CNTN5: variants seen among roughly 807,000 people sequenced by gnomAD.
CNTN5 encodes contactin-5.
CNTN5 carries 77 observed loss-of-function variants against 129.1 expected under a neutral mutation model. The ratio of observed to expected loss-of-function variants is 0.60; its 90% CI spans 0.50 to 0.72. The LOEUF (loss-of-function observed/expected upper bound fraction) is 0.72. Ranked by LOEUF, CNTN5 falls within the 30% of genes least tolerant of loss-of-function variation. The pLI is 0.00. For synonymous variants in CNTN5, 509 were observed against 465.6 expected (o/e 1.09, Z -1.20); for missense variants, 1,478 against 1,328.8 (o/e 1.11, Z -1.75).
At chr11:99,313,110 G>GT (rs11335927) in intron 1 of CNTN5, among the ~76,000 whole-genome samples, 1,537 of 142,606 alleles carry the variant, frequency 0.011, 4 homozygotes, top group Non-Finnish European at 0.013. Context: ...AAGATTTGAA[G>GT]TTTTTTTTTT....
chr11:99,211,551 T>A (rs1166904825), intron 1 of CNTN5, among the ~76,000 whole-genome samples: 3 of 152,044 alleles, frequency 2.0e-5, no homozygotes, highest in African/African-American at 7.2e-5. Context: ...CTCCTTTTTT[T>A]TTCTGAAATA....
chr11:99,900,368 G>GA (rs1033877888), intron 6 of CNTN5, among the ~76,000 whole-genome samples: 112 of 150,602 alleles, frequency 7.4e-4, no homozygotes, highest in African/African-American at 2.4e-3. Context: ...TGCATCTCTG[G>GA]AAAAAAAACA....
intron 3 of CNTN5, among the ~76,000 whole-genome samples, chr11:99,619,517 A>G (rs1950864772): frequency 1.3e-5 from 2 of 152,108 alleles, no homozygotes; most frequent in East Asian, 1.9e-4. Flanking sequence ...GAAATTTGTT[A>G]CTTTACTGAA....
At chr11:100,323,394 T>C (rs1951729938) in intron 21 of CNTN5, among the ~76,000 whole-genome samples, 1 of 152,220 alleles carries the variant, frequency 6.6e-6, no homozygotes, top group African/African-American at 2.4e-5. Context: ...GCCAGAGGGA[T>C]TGAAGAACAT....
chr11:99,114,903 G>A (rs1857971535), intron 1 of CNTN5, among the ~76,000 whole-genome samples: 1 of 152,172 alleles, frequency 6.6e-6, no homozygotes, highest in Non-Finnish European at 1.5e-5. Context: ...CTAGTGTGAT[G>A]CTATTCGGAG....
chr11:100,021,296 G>A (rs768700882), intron 9 of CNTN5, among the ~76,000 whole-genome samples: 16 of 152,260 alleles, frequency 1.1e-4, no homozygotes, highest in Non-Finnish European at 2.2e-4. Flanking sequence ...TGCTGTTAGT[G>A]AGTGGACTAG....
At position 100,356,375 on chromosome 11, in the gene CNTN5, A is replaced by G. The variant is rs1039163574; in HGVS notation, c.*155A>G. ...ACTTACAGGAGGTTAGGGGGGAAAT[A>G]TTACTTATCCATCAGGTTTCTCTTT... On this transcript the variant is annotated 3_prime_UTR_variant, in exon 25 of 25. Coordinates refer to ENST00000524871, the MANE Select transcript of CNTN5 (RefSeq NM_014361.4). 5 of 613,702 alleles carry G rather than the reference A, an allele frequency of 8.1e-6. No individual in the cohort carries two copies. The highest frequency in any genetic ancestry group is 4.0e-5 in the South Asian group (2 of 50,320). 38.0% of individuals were successfully genotyped at this position (613,702 alleles called of 1,614,324 possible).
chr11:99,358,605 A>G (rs1938880468), intron 2 of CNTN5, among the ~76,000 whole-genome samples: 1 of 152,110 alleles, frequency 6.6e-6, no homozygotes, highest in Non-Finnish European at 1.5e-5. Context: ...TTAATTTACT[A>G]TGAGTTTCAG....
At chr11:99,223,620 C>T (rs2135708934) in intron 1 of CNTN5, among the ~76,000 whole-genome samples, 1 of 152,210 alleles carries the variant, frequency 6.6e-6, no homozygotes, top group African/African-American at 2.4e-5. Flanking sequence ...GCCCTGTTTG[C>T]ATCATTCCAA....
At chr11:99,388,473 T>C (rs1504713) in intron 2 of CNTN5, among the ~76,000 whole-genome samples, 150,584 of 150,746 alleles carry the variant, frequency 1, 75,212 homozygotes, top group Middle Eastern at 1. Context: ...TGGCACTTTG[T>C]ACGCTTGTAA....
chr11:99,342,764 G>T (rs1866581155), intron 2 of CNTN5, among the ~76,000 whole-genome samples: 1 of 151,378 alleles, frequency 6.6e-6, no homozygotes, highest in South Asian at 2.1e-4. Flanking sequence ...AAAGCAGATG[G>T]ATATTAGTGC....
chr11:99,800,366 C>T (rs899030446), intron 3 of CNTN5, among the ~76,000 whole-genome samples: 1 of 152,044 alleles, frequency 6.6e-6, no homozygotes, highest in Non-Finnish European at 1.5e-5. Flanking sequence ...TATGACCCAG[C>T]ATGTAGTTGA....
intron 13 of CNTN5, among the ~76,000 whole-genome samples, chr11:100,180,327 A>T (rs1474789587): frequency 1.3e-5 from 2 of 152,022 alleles, no homozygotes; most frequent in Non-Finnish European, 2.9e-5. Context: ...TGCTCAACTG[A>T]TTTTTGACAA....
intron 13 of CNTN5, among the ~76,000 whole-genome samples, chr11:100,101,509 T>A: frequency 6.6e-6 from 1 of 152,150 alleles, no homozygotes. Flanking sequence ...GATTCCATCA[T>A]CTTTCCTCAT....
intron 3 of CNTN5, among the ~76,000 whole-genome samples, chr11:99,697,518 T>C (rs1954325528): frequency 6.6e-6 from 1 of 151,614 alleles, no homozygotes; most frequent in Non-Finnish European, 1.5e-5. Context: ...TGATTAGTGC[T>C]CCAAGAAGCT....
intron 18 of CNTN5, among the ~76,000 whole-genome samples, chr11:100,277,277 A>G (rs1000414527): frequency 6.6e-6 from 1 of 152,192 alleles, no homozygotes; most frequent in African/African-American, 2.4e-5. Context: ...TATTACTGCA[A>G]TAAATGTGGG....
At chr11:100,340,431 A>T in intron 21 of CNTN5, 32 bp from the exon 22 acceptor site, 1 of 1,548,634 alleles carries the variant, frequency 6.5e-7, no homozygotes, top group Non-Finnish European at 8.8e-7. Context: ...GAAGCTTTAA[A>T]ATTAACCTGC....
intron 13 of CNTN5, among the ~76,000 whole-genome samples, chr11:100,175,885 G>T (rs547261807): frequency 6.6e-6 from 1 of 151,990 alleles, no homozygotes; most frequent in East Asian, 1.9e-4. Context: ...ATAGGTCCTG[G>T]GCTCTCTTAT....
At chr11:100,063,590 T>G (rs1192265734) in intron 10 of CNTN5, among the ~76,000 whole-genome samples, 1 of 151,602 alleles carries the variant, frequency 6.6e-6, no homozygotes, top group East Asian at 2.0e-4. Context: ...TGCTGCCCTA[T>G]GACAATTATG....
Sources: allele counts gnomAD v4.1 joint callset (sites outside exome capture counted in the v4.1 genomes callset), GRCh38; gene constraint gnomAD v4.1.1; transcripts MANE v1.5; gene names NCBI Gene and HGNC (gene_info 2026-07-23, HGNC 2026-07-21).